The following NEMF variants were observed in gnomAD, a reference collection of about 807,000 sequenced individuals.
NEMF encodes the protein ribosome quality control complex subunit NEMF.
NEMF carries 89 observed loss-of-function variants against 162.2 expected under a neutral mutation model. The ratio of observed to expected loss-of-function variants is 0.55; its 90% CI spans 0.46 to 0.65. The LOEUF (loss-of-function observed/expected upper bound fraction) is 0.65, where lower values mean the gene tolerates loss of function less well. Among genes scored for constraint, NEMF ranks in the 30% least tolerant of loss-of-function variants. The probability of loss-of-function intolerance (pLI) is 0.00; values close to 1 mark genes in which losing one functional copy is unlikely to be tolerated. For missense variants in NEMF, 1,133 were observed against 1,261.9 expected (o/e 0.90, Z 1.55); for synonymous variants, 421 against 404.5 (o/e 1.04, Z -0.49).
In NEMF at chr14:49,825,646, G is replaced by A. The variant is rs2233774; in HGVS notation, c.1577+221C>T. On this transcript the variant is annotated intron_variant, in intron 16 of 32. Coordinates refer to ENST00000298310, the MANE Select transcript of NEMF (RefSeq NM_004713.6). ...AGCTACTTGGGAGGCTGAGGTGGGA[G>A]AACTGTCAGAGCCCAGGAGGTCAAT... Among the ~76,000 whole-genome samples, 324 of 152,308 alleles carry A rather than the reference G, an allele frequency of 2.1e-3. 2 individuals are homozygous for A. The highest frequency in any genetic ancestry group is 0.014 in the Middle Eastern group (4 of 294).
rs1245610664 is a variant in NEMF at position 49,846,261 on chromosome 14, C to T, written c.236G>A (p.Arg79Gln). The stretch of plus-strand genomic sequence containing the variant: ...TAATCTCCGACTCTTCAAATGTTTT[C>T]GGCACTAGCAAGAGAAAGAAAAAGG... ...MMPSSFAMKC[R>Q]KHLKSRRLVS... Residue 79 changes from arginine to glutamine, a missense_variant, in exon 4 of 33, where the codon CGA becomes CAA. By Grantham distance (43) the Arg-to-Gln change is conservative (BLOSUM62 1). Transcript: ENST00000298310. 3.1e-6 allele frequency: 5 copies of T among 1,611,096 alleles called. No homozygotes were observed. Among genetic ancestry groups the T allele is most frequent in the Non-Finnish European group, 4.2e-6 (5 of 1,179,344 alleles).
At chr14:49,818,850 G>A (rs1360816569) in intron 16 of NEMF, among the ~76,000 whole-genome samples, 2 of 152,112 alleles carry the variant, frequency 1.3e-5, no homozygotes, top group Admixed American at 1.3e-4. Context: ...TGGGAAATGA[G>A]ACTAGCTCAA....
chr14:49,850,438 G>C (rs1893717852), intron 3 of NEMF, among the ~76,000 whole-genome samples: 2 of 152,154 alleles, frequency 1.3e-5, no homozygotes, highest in Admixed American at 1.3e-4. Flanking sequence ...ATTTCATGAA[G>C]GAGGTACTAT....
chr14:49,814,670 A>G (rs1891637829), intron 17 of NEMF, 84 bp downstream of exon 17: 4 of 675,660 alleles, frequency 5.9e-6, no homozygotes, highest in East Asian at 2.8e-5. Flanking sequence ...ACAGAAGAGT[A>G]TAACAAGAAA....
chr14:49,818,318 T>A (rs1329296120), intron 16 of NEMF: 2 of 152,132 alleles, frequency 1.3e-5, no homozygotes, highest in Admixed American at 1.3e-4. Flanking sequence ...GGTCTCGATC[T>A]CTTGACCTCG....
At chr14:49,842,625 C>T (rs1594803940) in intron 4 of NEMF, among the ~76,000 whole-genome samples, 1 of 152,204 alleles carries the variant, frequency 6.6e-6, no homozygotes, top group South Asian at 2.1e-4. Context: ...TCTGAAATGA[C>T]AGGTTGCAAT....
intron 24 of NEMF, 21 bp from the exon 25 acceptor site, chr14:49,799,545 G>A: frequency 1.2e-6 from 2 of 1,603,554 alleles, no homozygotes; most frequent in Non-Finnish European, 1.7e-6. Flanking sequence ...AAAAAAACAG[G>A]CAAATGCAAA....
rs759954432 is a variant in NEMF, at chr14:49,841,919, A to AAC, written c.358-1055_358-1054dup. On this transcript the variant is annotated intron_variant, in intron 4 of 32. Transcript: ENST00000298310. ...TCCGGAGTTCAAGACCAGCCTGACC[A>AAC]ACATGGAGAAACCCCGTCTCTACTA... is the stretch of plus-strand genomic sequence containing the variant. Among the ~76,000 whole-genome samples the AAC allele has an allele frequency of 6.6e-5, 10 of 152,150 alleles. No individual in the cohort carries two copies. In the South Asian group the frequency reaches 2.1e-3, roughly 31 times the overall value.
At chr14:49,851,906 TACACTATTGTC>T in intron 1 of NEMF, 31 bp from the exon 2 acceptor site, 1 of 1,307,730 alleles carries the variant, frequency 7.6e-7, no homozygotes, top group Non-Finnish European at 1.1e-6. Context: ...TGTAACATGT[TACACTATTGTC>T]TGAAACATAA....
At chr14:49,813,458 T>C (rs1330983190) in intron 18 of NEMF, among the ~76,000 whole-genome samples, 1 of 152,226 alleles carries the variant, frequency 6.6e-6, no homozygotes, top group African/African-American at 2.4e-5. Context: ...TCCTTGCTGA[T>C]TCTGTGTCCA....
intron 16 of NEMF, among the ~76,000 whole-genome samples, chr14:49,818,628 G>A (rs962645846): frequency 6.6e-6 from 1 of 152,080 alleles, no homozygotes; most frequent in East Asian, 1.9e-4. Flanking sequence ...AAGGCCAGAG[G>A]TTAATTTCTC....
At chr14:49,799,576 A>C in intron 24 of NEMF, 52 bp from the exon 25 acceptor site, 1 of 1,595,760 alleles carries the variant, frequency 6.3e-7, no homozygotes, top group Non-Finnish European at 8.5e-7. Context: ...AACTTTTTTG[A>C]AAAGTAGAAA....
intron 25 of NEMF, chr14:49,796,174 C>T: frequency 1.7e-6 from 1 of 573,294 alleles, no homozygotes; most frequent in Non-Finnish European, 3.2e-6. Context: ...CATCCAAGCT[C>T]AACATATTGT....
At chr14:49,800,325 G>C in intron 23 of NEMF, 95 bp downstream of exon 23, 1 of 937,538 alleles carries the variant, frequency 1.1e-6, no homozygotes. Flanking sequence ...GAGTGTAAAA[G>C]TACTGATGTC....
chr14:49,804,750 G>C (rs1456365671), intron 19 of NEMF, among the ~76,000 whole-genome samples: 1 of 152,070 alleles, frequency 6.6e-6, no homozygotes, highest in Non-Finnish European at 1.5e-5. Context: ...ATAGCAAGGG[G>C]CCAAGTGTGC....
intron 10 of NEMF, 113 bp from the exon 11 acceptor site, chr14:49,831,474 G>C: frequency 1.5e-6 from 1 of 689,576 alleles, no homozygotes; most frequent in Non-Finnish European, 2.5e-6. Context: ...GTCTCACTCT[G>C]TTGCCCAGGC....
chr14:49,844,902 G>A, intron 4 of NEMF: 1 of 292,752 alleles, frequency 3.4e-6, no homozygotes, highest in South Asian at 2.7e-5. Flanking sequence ...CCGAGTAGCT[G>A]GGACTACAGG....
intron 1 of NEMF, among the ~76,000 whole-genome samples, chr14:49,852,171 G>A (rs61982330): frequency 0.073 from 805 of 10,984 alleles, 2 homozygotes; most frequent in Non-Finnish European, 0.41. Flanking sequence ...TATTACAAGG[G>A]AGAAAAAAAA....
Position 49,838,152 on chromosome 14 carries a change from A to C in NEMF, c.561T>G (p.Leu187=). 6.2e-7 allele frequency: 1 copy of C among 1,613,526 alleles called. No homozygotes were observed. The highest frequency in any genetic ancestry group is 8.5e-7 in the Non-Finnish European group (1 of 1,179,516). ...AGGAATACTCACGAAGTAATGGGTT[A>C]AGCACCCTCTTCAGTAGTTCACCCT... ...APKGELLKRV[L]NPLLPYGPAL... The change falls in exon 6 of 33, where the codon CTT becomes CTG. Residue 187 remains leucine, a synonymous_variant. Transcript: ENST00000298310.
Sources: allele counts gnomAD v4.1 joint callset (sites outside exome capture counted in the v4.1 genomes callset), GRCh38; gene constraint gnomAD v4.1.1; transcripts MANE v1.5; gene names NCBI Gene and HGNC (gene_info 2026-07-23, HGNC 2026-07-21).